Variants in ADGRF3 observed in about 807,000 individuals in gnomAD.
ADGRF3 encodes the protein G protein-coupled receptor 113.
In ADGRF3, 85 loss-of-function variants were observed where a neutral mutation model predicts 93.2. The observed-to-expected ratio is 0.91, with a 90% CI of 0.77 to 1.09. The LOEUF (loss-of-function observed/expected upper bound fraction) is 1.09. Among genes scored for constraint, ADGRF3 ranks in the 50% least tolerant of loss-of-function variants. The pLI is 0.00. For synonymous variants in ADGRF3, 534 were observed against 532.5 expected, an observed-to-expected ratio of 1.00 and a Z score of -0.04; for missense variants, 1,125 against 1,246.2, an observed-to-expected ratio of 0.90 and a Z score of 1.46.
chr2:26,312,365 G>A (rs923198673), intron 9 of ADGRF3, among the ~76,000 whole-genome samples: 10 of 152,196 alleles, frequency 6.6e-5, no homozygotes, highest in African/African-American at 9.6e-5. Flanking sequence ...GGGCCACCCA[G>A]GTTCTAAGAG....
intron 4 of ADGRF3, 101 bp downstream of exon 4, chr2:26,316,174 T>A: frequency 7.9e-7 from 1 of 1,264,686 alleles, no homozygotes; most frequent in Non-Finnish European, 1.1e-6. Context: ...GCAGCTGTGC[T>A]TGGACCAGCT....
chr2:26,309,462 C>T (rs1419392621), intron 13 of ADGRF3, 64 bp downstream of exon 13: 1 of 1,578,104 alleles, frequency 6.3e-7, no homozygotes, highest in African/African-American at 1.3e-5. Flanking sequence ...TGCCAGGAGG[C>T]CCTTTGCCAC....
In ADGRF3 at chr2:26,345,370, C is replaced by T. The variant is rs186137188; in HGVS notation, c.114+751G>A. 1.1e-3 allele frequency among the ~76,000 whole-genome samples: 171 copies of T among 152,174 alleles called. 1 individual carries two copies. The highest frequency in any genetic ancestry group is 3.9e-3 in the African/African-American group (162 of 41,514). Reference sequence around the variant, plus strand: ...CTTGCAAACGCATTTAAGGACTCGTCGAGACTGAGAGATCACTGCTTTTAT... The same window carrying T: ...CTTGCAAACGCATTTAAGGACTCGTTGAGACTGAGAGATCACTGCTTTTAT... On this transcript the variant is annotated intron_variant, in intron 1 of 13. Transcript: ENST00000651242.
chr2:26,322,744 C>T (rs766069832), intron 1 of ADGRF3, among the ~76,000 whole-genome samples: 53 of 152,050 alleles, frequency 3.5e-4, no homozygotes, highest in African/African-American at 1.0e-3. Flanking sequence ...AAGACATAAA[C>T]GGTGATTTTA....
intron 1 of ADGRF3, among the ~76,000 whole-genome samples, chr2:26,345,105 G>A (rs933350635): frequency 1.3e-5 from 2 of 152,134 alleles, no homozygotes; most frequent in African/African-American, 2.4e-5. Flanking sequence ...TCATTTCCGA[G>A]CTTCGTAACT....
At chr2:26,310,396 T>C (rs1673968965) in intron 10 of ADGRF3, among the ~76,000 whole-genome samples, 159 bp from the exon 11 acceptor site, 1 of 152,252 alleles carries the variant, frequency 6.6e-6, no homozygotes, top group Non-Finnish European at 1.5e-5. Flanking sequence ...GGTGCTTTTC[T>C]TATTGTTATG....
At chr2:26,315,772 A>C in intron 4 of ADGRF3, 32 bp from the exon 5 acceptor site, 1 of 1,550,252 alleles carries the variant, frequency 6.5e-7, no homozygotes, top group African/African-American at 1.4e-5. Context: ...GGGACCCTGG[A>C]GGAGGGACTT....
chr2:26,345,952 A>T (rs1211703507), intron 1 of ADGRF3, 169 bp downstream of exon 1: 5 of 647,506 alleles, frequency 7.7e-6, no homozygotes, highest in South Asian at 5.9e-5. Context: ...GTGTTGCCTG[A>T]TCCACGCCGA....
At position 26,311,266 on chromosome 2, in the gene ADGRF3, G is replaced by A; in HGVS notation, c.2258C>T (p.Ala753Val). Residue 753 changes from alanine to valine, a missense_variant, in exon 10 of 14, where the codon GCC (alanine) becomes GTC (valine). Transcript: ENST00000651242. Reference protein sequence around the residue: ...ALLNMVFCLLAADTCFLGAPF... With the variant: ...ALLNMVFCLLVADTCFLGAPF... ...GGCGCCCAGGAAGCAAGTGTCTGCGGCCAGCAAGCAGAACACCATGTTGAG... is the reference window on the plus strand; with the variant it reads ...GGCGCCCAGGAAGCAAGTGTCTGCGACCAGCAAGCAGAACACCATGTTGAG... 1 of 1,613,272 alleles carries A rather than the reference G, an allele frequency of 6.2e-7. No individual in the cohort carries two copies. The highest frequency in any genetic ancestry group is 1.1e-5 in the South Asian group (1 of 90,998).
intron 1 of ADGRF3, chr2:26,345,719 C>T (rs1676683027): frequency 5.1e-6 from 1 of 194,312 alleles, no homozygotes; most frequent in African/African-American, 2.4e-5. Flanking sequence ...ACCTGAGGCA[C>T]TGCTGAACTG....
chr2:26,338,093 A>G (rs1020480914), intron 1 of ADGRF3, among the ~76,000 whole-genome samples: 1 of 152,210 alleles, frequency 6.6e-6, no homozygotes, highest in Non-Finnish European at 1.5e-5. Context: ...TTTATTTAGA[A>G]TTTTCTTTTG....
At chr2:26,321,770 G>A (rs192011322) in intron 1 of ADGRF3, among the ~76,000 whole-genome samples, 1 of 151,992 alleles carries the variant, frequency 6.6e-6, no homozygotes, top group East Asian at 1.9e-4. Context: ...TCAGGAGTTC[G>A]AGACCAGTCT....
At position 26,316,276 on chromosome 2, in the gene ADGRF3, A is replaced by AGGTGGCAGCAACTGGCAGTACCC; in HGVS notation, c.475_497dup (p.Val167GlyfsTer15). On this transcript the variant is annotated frameshift_variant and splice_region_variant, in exon 4 of 14. Transcript: ENST00000651242. LOFTEE classifies it high-confidence loss of function. ...TTCCAAGTTCCCAACCTTCCTCACC[A>AGGTGGCAGCAACTGGCAGTACCC]GGTGGCAGCAACTGGCAGTACCCGG... is the stretch of plus-strand genomic sequence containing the variant. The AGGTGGCAGCAACTGGCAGTACCC allele has an allele frequency of 1.3e-6, 2 of 1,551,210 alleles. No homozygotes were observed. The highest frequency in any genetic ancestry group is 1.7e-6 in the Non-Finnish European group (2 of 1,146,748).
chr2:26,311,879 G>A lies in ADGRF3; in HGVS notation c.1645C>T (p.Pro549Ser). The change falls in exon 10 of 14, where the codon CCC becomes TCC. Residue 549 changes from proline to serine, a missense_variant. Pro to Ser is a moderately conservative substitution (Grantham distance 74, BLOSUM62 -1). Coordinates refer to ENST00000651242, the MANE Select transcript of ADGRF3 (RefSeq NM_001321971.2). ...ATGCTGTAGTCAGCAGGAAACGTGG[G>A]TCCAAACAGCTGGCTCTGCAGCAGC... ...NVLLQSQLFG[P>S]TFPADYSISF... The A allele has an allele frequency of 2.5e-6, 4 of 1,613,928 alleles. No individual in the cohort carries two copies. The highest frequency in any genetic ancestry group is 1.1e-5 in the South Asian group (1 of 91,066).
At chr2:26,331,740 AC>A (rs1374184922) in intron 1 of ADGRF3, among the ~76,000 whole-genome samples, 1 of 152,128 alleles carries the variant, frequency 6.6e-6, no homozygotes, top group East Asian at 1.9e-4. Flanking sequence ...AATACAAAAA[AC>A]AAAAGGCAAA....
intron 1 of ADGRF3, chr2:26,319,013 T>C (rs1674943532): frequency 6.4e-7 from 1 of 1,551,646 alleles, no homozygotes; most frequent in Non-Finnish European, 8.7e-7. Context: ...GGAAGAGTTG[T>C]GGCCAGGAGC....
chr2:26,331,194 A>G (rs919524939), intron 1 of ADGRF3, among the ~76,000 whole-genome samples: 1 of 152,124 alleles, frequency 6.6e-6, no homozygotes. Flanking sequence ...TCAATCTTTA[A>G]CATTTTTGAG....
chr2:26,335,696 T>C (rs960772814), intron 1 of ADGRF3, among the ~76,000 whole-genome samples: 4 of 152,188 alleles, frequency 2.6e-5, no homozygotes, highest in Non-Finnish European at 4.4e-5. Context: ...AATAATGATG[T>C]ATCTTACGAC....
In ADGRF3 at chr2:26,315,580, C is replaced by T. The variant is rs899311079; in HGVS notation, c.660G>A (p.Val220=). ...GGGCAGCCTGGCCGTGGCTGGAAGT[C>T]ACAGACACCTGTGTCCCTGGCTGCA... The part of the protein sequence containing the change: ...ILLQPGTQVS[V]TSSHGQAALS... Residue 220 remains valine, a synonymous_variant, in exon 5 of 14, where the codon GTG becomes GTA. Transcript: ENST00000651242. 1 of 1,551,458 alleles carries T rather than the reference C, an allele frequency of 6.4e-7. No homozygotes were observed. The highest frequency in any genetic ancestry group is 8.7e-7 in the Non-Finnish European group (1 of 1,147,002).
Sources: allele counts gnomAD v4.1 joint callset (sites outside exome capture counted in the v4.1 genomes callset), GRCh38; gene constraint gnomAD v4.1.1; transcripts MANE v1.5; gene names NCBI Gene and HGNC (gene_info 2026-07-23, HGNC 2026-07-21).